The following UACA variants were observed in gnomAD, a reference collection of about 807,000 sequenced individuals.
The protein encoded by UACA is uveal autoantigen with coiled-coil domains and ankyrin repeats.
A neutral mutation model predicts 160.5 loss-of-function variants in UACA; 112 were observed. The observed-to-expected ratio is 0.70, with a 90% CI of 0.60 to 0.82. The LOEUF (loss-of-function observed/expected upper bound fraction) is 0.82. Ranked by LOEUF, UACA falls within the 40% of genes least tolerant of loss-of-function variation. The probability of loss-of-function intolerance (pLI) is 0.00; values close to 1 mark genes in which losing one functional copy is unlikely to be tolerated. For missense variants in UACA, 1,574 were observed against 1,614.6 expected (o/e 0.97, Z 0.43); for synonymous variants, 557 against 568.4 (o/e 0.98, Z 0.29).
At chr15:70,761,960 G>A (rs2030785354) in intron 1 of UACA, among the ~76,000 whole-genome samples, 1 of 152,050 alleles carries the variant, frequency 6.6e-6, no homozygotes, top group African/African-American at 2.4e-5. Flanking sequence ...TCTTCTATAA[G>A]GCTAAAAACA....
intron 1 of UACA, among the ~76,000 whole-genome samples, chr15:70,716,563 A>G (rs1342068448): frequency 6.6e-6 from 1 of 152,152 alleles, no homozygotes; most frequent in Non-Finnish European, 1.5e-5. Flanking sequence ...CAAACATCTT[A>G]CCTCTTGTAG....
chr15:70,668,464 C>T lies in UACA; in HGVS notation c.2220G>A (p.Met740Ile), dbSNP rs1304177552. The T allele has an allele frequency of 6.2e-7, 1 of 1,611,936 alleles. No individual in the cohort carries two copies. The highest frequency in any genetic ancestry group is 1.1e-5 in the South Asian group (1 of 90,758). The change falls in exon 16 of 19, where the codon ATG (methionine) becomes ATA (isoleucine). Residue 740 changes from methionine to isoleucine, a missense_variant. Transcript: ENST00000322954. Reference sequence around the variant, plus strand: ...CTTTTAAAGGAACATAATGATTTTTCATTTCAATTGTTAAGTTATGTGCTT... The same window carrying T: ...CTTTTAAAGGAACATAATGATTTTTTATTTCAATTGTTAAGTTATGTGCTT... The part of the protein sequence containing the change: ...KEQAHNLTIE[M>I]KNHYVPLKVS...
rs1028389714 is a variant in UACA, at chr15:70,655,987, T to A, written c.*1069A>T. 12 of 152,156 alleles carry A rather than the reference T, an allele frequency of 7.9e-5. No homozygotes were observed. The highest frequency in any genetic ancestry group is 2.0e-4 in the Admixed American group (3 of 15,304). 9.4% of individuals were successfully genotyped at this position (152,156 alleles called of 1,614,324 possible). A position where few individuals can be genotyped will look rare whatever the true frequency, so the allele number is the denominator to read the frequency against. Reference sequence around the variant, plus strand: ...AATGAGATGCAGTTAATAAAAACGGTTGTTTACTTCAGAGTATTTACTATA... The same window carrying A: ...AATGAGATGCAGTTAATAAAAACGGATGTTTACTTCAGAGTATTTACTATA... On this transcript the variant is annotated 3_prime_UTR_variant, in exon 19 of 19. Coordinates refer to ENST00000322954, the MANE Select transcript of UACA (RefSeq NM_018003.4).
At chr15:70,664,601 CA>C in intron 17 of UACA, 60 bp downstream of exon 17, 1 of 1,527,174 alleles carries the variant, frequency 6.5e-7, no homozygotes, top group Non-Finnish European at 8.8e-7. Flanking sequence ...ATGAGCCTTA[CA>C]AACTAACTAC....
chr15:70,676,443 CTTACCA>C (rs1566969903), intron 13 of UACA, 44 bp downstream of exon 13: 2 of 1,259,570 alleles, frequency 1.6e-6, no homozygotes, highest in East Asian at 4.7e-5. Flanking sequence ...TGCCAAGAGC[CTTACCA>C]TTACCCATTA....
At chr15:70,680,892 A>G (rs1490390044) in intron 9 of UACA, among the ~76,000 whole-genome samples, 1 of 152,204 alleles carries the variant, frequency 6.6e-6, no homozygotes, top group Non-Finnish European at 1.5e-5. Flanking sequence ...TGGTGGGTAC[A>G]TATCAATAGT....
At chr15:70,703,243 C>A in intron 1 of UACA, 1 of 1,287,998 alleles carries the variant, frequency 7.8e-7, no homozygotes, top group South Asian at 1.2e-5. Flanking sequence ...ATTTACACTT[C>A]CTCTAAAAAG....
chr15:70,771,771 C>A, the UACA span, among the ~76,000 whole-genome samples: 1 of 152,104 alleles, frequency 6.6e-6, no homozygotes, highest in Non-Finnish European at 1.5e-5. Context: ...CAGAAAGGAG[C>A]CTGTCAAGCA....
the UACA span, among the ~76,000 whole-genome samples, chr15:70,768,614 C>G: frequency 1.3e-5 from 2 of 152,172 alleles, no homozygotes; most frequent in Non-Finnish European, 2.9e-5. Flanking sequence ...TCTTTTAAAA[C>G]AGGCTACTCA....
chr15:70,674,591 G>A (rs185760499), intron 13 of UACA, among the ~76,000 whole-genome samples: 1 of 152,064 alleles, frequency 6.6e-6, no homozygotes, highest in Non-Finnish European at 1.5e-5. Context: ...TAAAGCTACA[G>A]AAAAACATCT....
the UACA span, among the ~76,000 whole-genome samples, chr15:70,777,820 CG>C: frequency 6.6e-6 from 1 of 152,032 alleles, no homozygotes; most frequent in Admixed American, 6.6e-5. Flanking sequence ...TTTGCTGCGA[CG>C]GGGAGGGAGG....
intron 1 of UACA, among the ~76,000 whole-genome samples, chr15:70,706,914 G>A (rs2140975330): frequency 6.6e-6 from 1 of 152,226 alleles, no homozygotes; most frequent in Admixed American, 6.5e-5. Flanking sequence ...AATCCCAATG[G>A]CATTTTTGCA....
Position 70,667,702 on chromosome 15 carries a change from G to T in UACA, c.2982C>A (p.Cys994Ter). 1 of 1,613,524 alleles carries T rather than the reference G, an allele frequency of 6.2e-7. No individual in the cohort carries two copies. ...TCTCTGTTGCTTTAAATTTTCTCTC[G>T]CACTCCTCAAAGCTGACAATTGGGG... ...KYAPIVSFEE[C>*]ERKFKATEKE... The change falls in exon 16 of 19, where the codon TGC (cysteine) becomes TGA (stop). Residue 994 changes from cysteine to a stop codon, truncating the protein, a stop_gained. Coordinates refer to ENST00000322954, the MANE Select transcript of UACA (RefSeq NM_018003.4). LOFTEE classifies it high-confidence loss of function.
intron 1 of UACA, among the ~76,000 whole-genome samples, chr15:70,719,974 G>A (rs1170974931): frequency 6.6e-6 from 1 of 152,076 alleles, no homozygotes; most frequent in Non-Finnish European, 1.5e-5. Flanking sequence ...TTGGATCAGC[G>A]TCCCCACCCA....
chr15:70,707,164 G>A, intron 1 of UACA, among the ~76,000 whole-genome samples: 1 of 152,172 alleles, frequency 6.6e-6, no homozygotes, highest in Non-Finnish European at 1.5e-5. Flanking sequence ...TCAACAAGGT[G>A]CCAAGAGCAC....
intron 13 of UACA, among the ~76,000 whole-genome samples, chr15:70,673,426 T>C (rs981386997): frequency 6.6e-6 from 1 of 152,198 alleles, no homozygotes; most frequent in African/African-American, 2.4e-5. Context: ...CAGTCCACAA[T>C]TCCATGACTA....
At chr15:70,735,421 A>C (rs1207469876) in intron 1 of UACA, among the ~76,000 whole-genome samples, 1 of 151,982 alleles carries the variant, frequency 6.6e-6, no homozygotes, top group Non-Finnish European at 1.5e-5. Context: ...GTTGTCTAGG[A>C]ATATATCTGA....
At chr15:70,736,616 T>TA (rs1899376187) in intron 1 of UACA, among the ~76,000 whole-genome samples, 1 of 152,044 alleles carries the variant, frequency 6.6e-6, no homozygotes, top group Non-Finnish European at 1.5e-5. Context: ...TATATATATA[T>TA]TTTTAGTAGA....
chr15:70,668,021 T>G lies in UACA; in HGVS notation c.2663A>C (p.Lys888Thr). The G allele has an allele frequency of 6.2e-7, 1 of 1,606,362 alleles. No individual in the cohort carries two copies. Among genetic ancestry groups the G allele is most frequent in the Non-Finnish European group, 8.5e-7 (1 of 1,177,420 alleles). The change falls in exon 16 of 19, where the codon AAA becomes ACA. Residue 888 changes from lysine (K) to threonine (T), a missense_variant. Coordinates refer to ENST00000322954, the MANE Select transcript of UACA (RefSeq NM_018003.4). Reference protein sequence around the residue: ...KTNRELLDVKKKFEDINQEFV... With the variant: ...KTNRELLDVKTKFEDINQEFV... ...TTCCTGATTTATATCTTCAAATTTT[T>G]TCTTCACATCTAATAATTCTCTGTT...
Sources: gnomAD v4.1 joint callset for allele counts (sites outside exome capture counted in the v4.1 genomes callset) on GRCh38, gnomAD v4.1.1 for gene constraint, MANE v1.5 for transcripts, NCBI Gene and HGNC (gene_info 2026-07-23, HGNC 2026-07-21) for gene names.